Variants in PAK5 observed in about 807,000 individuals in gnomAD.
The protein encoded by PAK5 is p21 (RAC1) activated kinase 5, also known as serine/threonine-protein kinase PAK 5.
In PAK5, 16 loss-of-function variants were observed where a neutral mutation model predicts 65.9. That is an observed-to-expected ratio of 0.24 (90% CI 0.16 to 0.37). The LOEUF is 0.37. Ranked by LOEUF, PAK5 falls within the 10% of genes least tolerant of loss-of-function variation. PAK5 has a pLI of 1.00. For missense variants in PAK5, 785 were observed against 903.9 expected, an observed-to-expected ratio of 0.87 and a Z score of 1.69; for synonymous variants, 371 against 354.9, an observed-to-expected ratio of 1.05 and a Z score of -0.51.
At chr20:9,557,409 A>T (rs2045523990) in intron 7 of PAK5, among the ~76,000 whole-genome samples, 199 bp downstream of exon 7, 1 of 152,220 alleles carries the variant, frequency 6.6e-6, no homozygotes, top group African/African-American at 2.4e-5. Flanking sequence ...TTATCCATCA[A>T]AGTCAGGCAA....
intron 1 of PAK5, among the ~76,000 whole-genome samples, chr20:9,771,102 C>T (rs2048827457): frequency 6.6e-6 from 1 of 152,160 alleles, no homozygotes; most frequent in Non-Finnish European, 1.5e-5. Flanking sequence ...GACCAATCTT[C>T]ATAAAACTTG....
At chr20:9,553,146 G>T (rs1471719710) in intron 7 of PAK5, among the ~76,000 whole-genome samples, 1 of 152,116 alleles carries the variant, frequency 6.6e-6, no homozygotes, top group African/African-American at 2.4e-5. Context: ...AATTGATTAG[G>T]TCTAATTTAT....
At chr20:9,581,959 G>A (rs186228718) in intron 3 of PAK5, among the ~76,000 whole-genome samples, 1 of 152,308 alleles carries the variant, frequency 6.6e-6, no homozygotes, top group African/African-American at 2.4e-5. Flanking sequence ...AGTCAAAGTT[G>A]TCCTGGAGCT....
At chr20:9,694,447 T>C (rs1387933398) in intron 2 of PAK5, among the ~76,000 whole-genome samples, 1 of 151,912 alleles carries the variant, frequency 6.6e-6, no homozygotes, top group Non-Finnish European at 1.5e-5. Context: ...GTATAACATG[T>C]ATACAGAAAA....
chr20:9,671,668 T>C (rs1250443270), intron 2 of PAK5, among the ~76,000 whole-genome samples: 1 of 146,408 alleles, frequency 6.8e-6, no homozygotes, highest in African/African-American at 2.4e-5. Context: ...CTTAAGGAGA[T>C]TTTGGGCTGA....
chr20:9,826,282 G>A (rs2049483914), intron 1 of PAK5, among the ~76,000 whole-genome samples: 1 of 151,900 alleles, frequency 6.6e-6, no homozygotes, highest in African/African-American at 2.4e-5. Flanking sequence ...GCTCTAAATT[G>A]ACATAGTCAA....
chr20:9,728,694 A>C (rs540524912), intron 1 of PAK5, among the ~76,000 whole-genome samples: 1 of 152,142 alleles, frequency 6.6e-6, no homozygotes, highest in Non-Finnish European at 1.5e-5. Flanking sequence ...AAATCAAACA[A>C]GGTCTATAAG....
intron 1 of PAK5, among the ~76,000 whole-genome samples, chr20:9,745,309 A>C (rs1270505790): frequency 1.4e-5 from 2 of 139,142 alleles, no homozygotes; most frequent in African/African-American, 6.0e-5. Context: ...CACCACATCA[A>C]AAAGCAATTT....
intron 3 of PAK5, among the ~76,000 whole-genome samples, chr20:9,634,185 A>G (rs2046956405): frequency 6.6e-6 from 1 of 152,144 alleles, no homozygotes; most frequent in East Asian, 1.9e-4. Context: ...ATCTCCAGTT[A>G]TTCTCTGCTG....
intron 1 of PAK5, among the ~76,000 whole-genome samples, chr20:9,794,872 C>T (rs1484941301): frequency 6.6e-6 from 1 of 151,974 alleles, no homozygotes; most frequent in Non-Finnish European, 1.5e-5. Flanking sequence ...TATATGAGAT[C>T]CCCTGGATGG....
intron 4 of PAK5, among the ~76,000 whole-genome samples, chr20:9,571,319 C>T (rs2045776580): frequency 6.6e-6 from 1 of 152,214 alleles, no homozygotes; most frequent in South Asian, 2.1e-4. Flanking sequence ...GTGCGTATCA[C>T]CAGCCCACAC....
chr20:9,809,334 A>ATT (rs1303937037), intron 1 of PAK5, among the ~76,000 whole-genome samples: 7 of 91,296 alleles, frequency 7.7e-5, no homozygotes, highest in Non-Finnish European at 1.1e-4. Context: ...AGGCAATCCA[A>ATT]ATTTTTTTTT....
At chr20:9,646,931 C>G (rs946620464) in intron 2 of PAK5, among the ~76,000 whole-genome samples, 3 of 152,278 alleles carry the variant, frequency 2.0e-5, no homozygotes. Context: ...TGAGCCTAGT[C>G]AAAACCAGCA....
At chr20:9,551,862 G>A (rs1268638794) in intron 7 of PAK5, among the ~76,000 whole-genome samples, 16 of 152,176 alleles carry the variant, frequency 1.1e-4, no homozygotes, top group Admixed American at 1.0e-3. Flanking sequence ...GGGTTCTGAT[G>A]CTCAGTAAAG....
rs117667899 is a variant in PAK5, at chr20:9,563,928, A to G, written c.1483-904T>C. ...GAGCCTCCATGATAAACAGAGTTCA[A>G]AATTGCAGCTGAGTGCATTTGTACA... On this transcript the variant is annotated intron_variant, in intron 5 of 9. Coordinates refer to ENST00000353224, the MANE Select transcript of PAK5 (RefSeq NM_177990.4). Among the ~76,000 whole-genome samples, 668 of 152,314 alleles carry G rather than the reference A, an allele frequency of 4.4e-3. 13 individuals are homozygous for G. Among genetic ancestry groups the G allele is most frequent in the Admixed American group, 0.03 (458 of 15,300 alleles).
rs6108339 is a variant in PAK5 at position 9,794,427 on chromosome 20, A to T, written c.-162+44335T>A. ...TATAAATCATTGAATCTCTCTGCAT[A>T]AGCAATAAAGACTAATAGGACAAGG... On this transcript the variant is annotated intron_variant, in intron 1 of 9. Coordinates refer to ENST00000353224, the MANE Select transcript of PAK5 (RefSeq NM_177990.4). Among the ~76,000 whole-genome samples the T allele has an allele frequency of 9.5e-4, 145 of 152,222 alleles. 1 individual carries two copies. Among genetic ancestry groups the T allele is most frequent in the African/African-American group, 3.2e-3 (135 of 41,564 alleles).
At chr20:9,618,915 GTTTTTTTTTTTT>G (rs150725498) in intron 3 of PAK5, among the ~76,000 whole-genome samples, 17 of 18,840 alleles carry the variant, frequency 9.0e-4, no homozygotes, top group Non-Finnish European at 1.1e-3. Flanking sequence ...TCTTTCTTTC[GTTTTTTTTTTTT>G]TTTTTTTTTT....
chr20:9,796,623 C>T (rs552764313), intron 1 of PAK5, among the ~76,000 whole-genome samples: 1 of 151,988 alleles, frequency 6.6e-6, no homozygotes, highest in Admixed American at 6.6e-5. Flanking sequence ...ACTCTTACTG[C>T]TGCAGGAAAA....
intron 1 of PAK5, among the ~76,000 whole-genome samples, chr20:9,756,477 C>T (rs1382696907): frequency 1.3e-5 from 2 of 152,110 alleles, no homozygotes; most frequent in African/African-American, 2.4e-5. Context: ...ACACCACCCC[C>T]AGCCTCCCAT....
Sources: gnomAD v4.1 joint callset for allele counts (sites outside exome capture counted in the v4.1 genomes callset) on GRCh38, gnomAD v4.1.1 for gene constraint, MANE v1.5 for transcripts, NCBI Gene and HGNC (gene_info 2026-07-23, HGNC 2026-07-21) for gene names.